SASH1: variants seen among roughly 807,000 people sequenced by gnomAD.
The protein encoded by SASH1 is SAM and SH3 domain-containing protein 1.
SASH1 carries 44 observed loss-of-function variants against 125.2 expected under a neutral mutation model. That is an observed-to-expected ratio of 0.35 (90% CI 0.28 to 0.45). The LOEUF (loss-of-function observed/expected upper bound fraction) is 0.45. Among genes scored for constraint, SASH1 ranks in the 20% least tolerant of loss-of-function variants. SASH1 has a pLI of 1.00. For synonymous variants in SASH1, 639 were observed against 649.1 expected, an observed-to-expected ratio of 0.98 and a Z score of 0.24; for missense variants, 1,426 against 1,614.5, an observed-to-expected ratio of 0.88 and a Z score of 2.00.
At chr6:148,343,887 A>G (rs1781429947) in intron 1 of SASH1, among the ~76,000 whole-genome samples, 1 of 152,174 alleles carries the variant, frequency 6.6e-6, no homozygotes, top group Non-Finnish European at 1.5e-5. Flanking sequence ...ACCTTGGGGA[A>G]GTAATAGATT....
chr6:148,510,646 G>T (rs1477814202), intron 8 of SASH1, among the ~76,000 whole-genome samples: 1 of 151,680 alleles, frequency 6.6e-6, no homozygotes, highest in Admixed American at 6.6e-5. Context: ...TATTTTTTAT[G>T]TTTATAAATA....
At chr6:148,377,954 TTAAC>T (rs1782976793) in intron 1 of SASH1, among the ~76,000 whole-genome samples, 1 of 152,176 alleles carries the variant, frequency 6.6e-6, no homozygotes, top group Non-Finnish European at 1.5e-5. Context: ...CCGTACACAT[TTAAC>T]TACCTTACTC....
chr6:148,498,728 T>G (rs1779426605), intron 8 of SASH1, among the ~76,000 whole-genome samples: 2 of 152,242 alleles, frequency 1.3e-5, no homozygotes, highest in South Asian at 4.1e-4. Context: ...GTTTAGAGAT[T>G]GGCATTTCAG....
At chr6:148,371,532 T>C (rs892605103) in intron 1 of SASH1, among the ~76,000 whole-genome samples, 1 of 151,532 alleles carries the variant, frequency 6.6e-6, no homozygotes, top group Non-Finnish European at 1.5e-5. Flanking sequence ...CTTCCCAAAG[T>C]GTTGGGATTA....
the SASH1 span, among the ~76,000 whole-genome samples, chr6:148,214,639 C>T: frequency 6.6e-6 from 1 of 152,136 alleles, no homozygotes; most frequent in Non-Finnish European, 1.5e-5. Flanking sequence ...GATCCCTCTC[C>T]AACATTGTTT....
At chr6:148,446,645 G>A (rs1394134696) in intron 4 of SASH1, among the ~76,000 whole-genome samples, 2 of 152,126 alleles carry the variant, frequency 1.3e-5, no homozygotes, top group Non-Finnish European at 2.9e-5. Flanking sequence ...TCTTCATGGG[G>A]TGGTTTATAT....
chr6:148,418,000 A>T (rs1183534696), intron 2 of SASH1, among the ~76,000 whole-genome samples: 1 of 152,188 alleles, frequency 6.6e-6, no homozygotes, highest in African/African-American at 2.4e-5. Context: ...TTATAGGTGG[A>T]GATGTTGTGA....
chr6:148,468,733 T>C (rs1309311903), intron 5 of SASH1, 148 bp downstream of exon 5: 1 of 553,066 alleles, frequency 1.8e-6, no homozygotes, highest in Non-Finnish European at 3.1e-6. Context: ...ATTCTCCTTT[T>C]TCTAGGCAGT....
chr6:148,326,386 T>TATACACA (rs1780826472), intron 1 of SASH1, among the ~76,000 whole-genome samples: 3 of 63,196 alleles, frequency 4.7e-5, no homozygotes, highest in Admixed American at 4.6e-4. Context: ...ATTCTTTTCT[T>TATACACA]TTCTTTTCTT....
intron 1 of SASH1, among the ~76,000 whole-genome samples, chr6:148,306,946 G>T (rs1320248937): frequency 6.6e-6 from 1 of 152,182 alleles, no homozygotes; most frequent in African/African-American, 2.4e-5. Context: ...TAGGGTGACA[G>T]TTCCTCTTAG....
chr6:148,194,047 A>G, the SASH1 span, among the ~76,000 whole-genome samples: 5 of 152,220 alleles, frequency 3.3e-5, no homozygotes, highest in Non-Finnish European at 5.9e-5. Context: ...AAACATGATC[A>G]GAAGGGTGTA....
At chr6:148,348,262 G>A (rs541815047) in intron 1 of SASH1, among the ~76,000 whole-genome samples, 1 of 152,284 alleles carries the variant, frequency 6.6e-6, no homozygotes, top group South Asian at 2.1e-4. Context: ...CCAAAGTGCT[G>A]GGATTACAGG....
intron 2 of SASH1, among the ~76,000 whole-genome samples, chr6:148,439,137 A>G (rs897744343): frequency 4.6e-5 from 7 of 152,150 alleles, no homozygotes; most frequent in Non-Finnish European, 1.0e-4. Context: ...GTTTATCTAA[A>G]TACTCTTCGT....
chr6:148,526,828 C>T (rs924056137), intron 11 of SASH1, among the ~76,000 whole-genome samples: 4 of 151,836 alleles, frequency 2.6e-5, no homozygotes, highest in African/African-American at 9.7e-5. Flanking sequence ...TATTCTCCCC[C>T]ATTGCTGGGA....
intron 1 of SASH1, among the ~76,000 whole-genome samples, chr6:148,309,171 A>T (rs1021367463): frequency 2.6e-5 from 4 of 151,772 alleles, no homozygotes; most frequent in Non-Finnish European, 4.4e-5. Flanking sequence ...CCTGGGGGGA[A>T]AAAAGAGTAC....
intron 7 of SASH1, among the ~76,000 whole-genome samples, chr6:148,476,115 TTCTGTG>T (rs753077116): frequency 1.3e-5 from 2 of 151,974 alleles, no homozygotes; most frequent in Non-Finnish European, 2.9e-5. Context: ...ACACATACAT[TTCTGTG>T]TATGTGTTCA....
At chr6:148,326,347 T>C (rs1223108710) in intron 1 of SASH1, among the ~76,000 whole-genome samples, 5 of 90,114 alleles carry the variant, frequency 5.5e-5, no homozygotes, top group Middle Eastern at 5.8e-3. Context: ...TATATATATA[T>C]ATATATATAT....
At chr6:148,277,819 C>T (rs369468930) in intron 1 of SASH1, among the ~76,000 whole-genome samples, 31 of 151,964 alleles carry the variant, frequency 2.0e-4, no homozygotes, top group African/African-American at 6.3e-4. Flanking sequence ...CGGGTTCAAG[C>T]GATTCTTCTG....
Position 148,526,867 on chromosome 6 carries a change from CT to C in SASH1, c.1285-569del, listed in dbSNP as rs756675931. 1.7e-3 allele frequency among the ~76,000 whole-genome samples: 211 copies of C among 123,196 alleles called. 1 individual carries two copies. Among genetic ancestry groups the C allele is most frequent in the Middle Eastern group, 8.7e-3 (2 of 230 alleles). The allele number at this position is 123,196 out of a possible 152,430, so 80.8% of individuals were successfully genotyped here. A position where few individuals can be genotyped will look rare whatever the true frequency, so the allele number is the denominator to read the frequency against. The stretch of plus-strand genomic sequence containing the variant: ...CATGAACATTGGTTCATGTAAATCA[CT>C]TTTTTTTTTTTTTTTTCCCTCTGAG... On this transcript the variant is annotated intron_variant, in intron 11 of 19. Transcript: ENST00000367467.
Sources: allele counts gnomAD v4.1 joint callset (sites outside exome capture counted in the v4.1 genomes callset), GRCh38; gene constraint gnomAD v4.1.1; transcripts MANE v1.5; gene names NCBI Gene and HGNC (gene_info 2026-07-23, HGNC 2026-07-21).